Variants in FBLN2 observed in about 807,000 individuals in gnomAD.
FBLN2 encodes the protein fibulin-2.
A neutral mutation model predicts 123.7 loss-of-function variants in FBLN2; 81 were observed. The ratio of observed to expected loss-of-function variants is 0.65; its 90% CI spans 0.55 to 0.79. FBLN2 has a LOEUF of 0.79. Ranked by LOEUF, FBLN2 falls within the 30% of genes least tolerant of loss-of-function variation. FBLN2 has a pLI of 0.00. For missense variants in FBLN2, 1,603 were observed against 1,681.3 expected, an observed-to-expected ratio of 0.95 and a Z score of 0.81; for synonymous variants, 699 against 701.4, an observed-to-expected ratio of 1.00 and a Z score of 0.05.
At chr3:13,601,350 C>G (rs1268665573) in intron 2 of FBLN2, among the ~76,000 whole-genome samples, 8 of 152,204 alleles carry the variant, frequency 5.3e-5, no homozygotes, top group Non-Finnish European at 4.4e-5. Flanking sequence ...AGAGTTGCCT[C>G]CTGTCACCAG....
chr3:13,629,284 G>A lies in FBLN2; in HGVS notation c.2834G>A (p.Gly945Asp). ...AGFQRDAFGRGCIDVNECWAS... is the reference protein window; with the variant it reads ...AGFQRDAFGRDCIDVNECWAS... Reference sequence around the variant, plus strand: ...TTTCAGCGGGATGCCTTTGGCCGGGGCTGCATCGGTAGGTAGGCTGGTGGC... The same window carrying A: ...TTTCAGCGGGATGCCTTTGGCCGGGACTGCATCGGTAGGTAGGCTGGTGGC... The change falls in exon 13 of 18, where the codon GGC becomes GAC. Residue 945 changes from glycine (G) to aspartate (D), a missense_variant. Gly to Asp is a moderately conservative substitution (Grantham distance 94). Coordinates refer to ENST00000404922, the MANE Select transcript of FBLN2 (RefSeq NM_001004019.2). 6.2e-7 allele frequency: 1 copy of A among 1,608,494 alleles called. No homozygotes were observed. Among genetic ancestry groups the A allele is most frequent in the Non-Finnish European group, 8.5e-7 (1 of 1,178,258 alleles).
At chr3:13,549,447 G>A (rs1205998296) in intron 1 of FBLN2, among the ~76,000 whole-genome samples, 1 of 151,468 alleles carries the variant, frequency 6.6e-6, no homozygotes, top group African/African-American at 2.4e-5. Context: ...AGAGGCCGGC[G>A]CGGGGTGGGG....
At chr3:13,561,856 C>G (rs1011853194) in intron 1 of FBLN2, among the ~76,000 whole-genome samples, 1 of 152,206 alleles carries the variant, frequency 6.6e-6, no homozygotes, top group African/African-American at 2.4e-5. Flanking sequence ...CTCGGCCAGA[C>G]AGACCTGTTC....
At chr3:13,587,340 G>T (rs900447787) in intron 2 of FBLN2, among the ~76,000 whole-genome samples, 23 of 152,002 alleles carry the variant, frequency 1.5e-4, no homozygotes, top group African/African-American at 5.1e-4. Flanking sequence ...ATTTATTATT[G>T]AAGAAAGAAA....
At position 13,609,555 on chromosome 3, in the gene FBLN2, G is replaced by T; in HGVS notation, c.1461G>T (p.Lys487Asn). Residue 487 changes from lysine to asparagine, a missense_variant, in exon 4 of 18, where the codon AAG (lysine) becomes AAT (asparagine). Coordinates refer to ENST00000404922, the MANE Select transcript of FBLN2 (RefSeq NM_001004019.2). ...RHCCVSYLQE[K>N]SCMAGVLGAK... ...GCTGTGTCTCCTACTTGCAGGAGAA[G>T]AGCTGCATGGCCGGCGTCCTGGGAG... 1 of 1,553,574 alleles carries T rather than the reference G, an allele frequency of 6.4e-7. No individual in the cohort carries two copies. The highest frequency in any genetic ancestry group is 8.7e-7 in the Non-Finnish European group (1 of 1,148,234).
chr3:13,573,967 G>A (rs1264949897), intron 2 of FBLN2, among the ~76,000 whole-genome samples: 1 of 151,360 alleles, frequency 6.6e-6, no homozygotes, highest in African/African-American at 2.4e-5. Flanking sequence ...AGAGAAGCCT[G>A]CTTCCACCAC....
intron 9 of FBLN2, among the ~76,000 whole-genome samples, chr3:13,625,390 T>TAGGAG (rs1706002091): frequency 6.6e-6 from 1 of 152,172 alleles, no homozygotes; most frequent in Non-Finnish European, 1.5e-5. Flanking sequence ...GTCCTTGGCC[T>TAGGAG]CCTCTCCGTG....
intron 9 of FBLN2, among the ~76,000 whole-genome samples, chr3:13,623,779 G>A (rs75591428): frequency 5.3e-5 from 8 of 152,156 alleles, no homozygotes; most frequent in Admixed American, 4.6e-4. Context: ...TTCCTCATCT[G>A]TGAATGAGAT....
At chr3:13,637,443 C>T (rs2124917089) in intron 17 of FBLN2, 119 bp from the exon 18 acceptor site, 1 of 922,100 alleles carries the variant, frequency 1.1e-6, no homozygotes, top group Non-Finnish European at 1.6e-6. Flanking sequence ...CTGAGGCTTC[C>T]CGGCCATTAG....
At chr3:13,576,477 T>C (rs1171220392) in intron 2 of FBLN2, among the ~76,000 whole-genome samples, 1 of 152,080 alleles carries the variant, frequency 6.6e-6, no homozygotes, top group Non-Finnish European at 1.5e-5. Context: ...GGCATCCAAC[T>C]GTGGGGACAG....
At chr3:13,549,709 C>G (rs1247000853) in intron 1 of FBLN2, among the ~76,000 whole-genome samples, 2 of 151,928 alleles carry the variant, frequency 1.3e-5, no homozygotes, top group Non-Finnish European at 2.9e-5. Flanking sequence ...CACCGCCACA[C>G]ACGCACTCAC....
intron 2 of FBLN2, 29 bp downstream of exon 2, chr3:13,571,690 C>T (rs1368430018): frequency 1.3e-6 from 2 of 1,512,260 alleles, no homozygotes; most frequent in African/African-American, 2.8e-5. Context: ...TCCTTCAGGG[C>T]ACTTTGTGTG....
Position 13,629,239 on chromosome 3 carries a change from G to T in FBLN2, c.2789G>T (p.Arg930Leu). The T allele has an allele frequency of 6.2e-7, 1 of 1,613,078 alleles. No individual in the cohort carries two copies. The highest frequency in any genetic ancestry group is 8.5e-7 in the Non-Finnish European group (1 of 1,179,670). Residue 930 changes from arginine (R) to leucine (L), a missense_variant, in exon 13 of 18, where the codon CGC becomes CTC. Arg to Leu is a moderately radical substitution (Grantham distance 102). Coordinates refer to ENST00000404922, the MANE Select transcript of FBLN2 (RefSeq NM_001004019.2). ...TGCCACAACCTCCCTGGCTCCTACC[G>T]CTGTGACTGCAAAGCCGGCTTTCAG... The part of the protein sequence containing the change: ...QVCHNLPGSY[R>L]CDCKAGFQRD...
intron 5 of FBLN2, among the ~76,000 whole-genome samples, chr3:13,616,143 A>G (rs373461397): frequency 3.9e-5 from 6 of 152,204 alleles, no homozygotes; most frequent in Admixed American, 1.3e-4. Flanking sequence ...TGCCAATCCA[A>G]TGTGGGTACA....
At chr3:13,574,691 T>C (rs1290798966) in intron 2 of FBLN2, among the ~76,000 whole-genome samples, 4 of 152,096 alleles carry the variant, frequency 2.6e-5, no homozygotes, top group Non-Finnish European at 5.9e-5. Flanking sequence ...TACCTCCCTT[T>C]CTGCAGGGCC....
In FBLN2 at chr3:13,571,603, C is replaced by T. The variant is rs745849622; in HGVS notation, c.1248C>T (p.His416=). The stretch of plus-strand genomic sequence containing the variant: ...AGCCGCAAGTTCTGCCCCATTCCCA[C>T]GTGGAGGAGGACACAGACCCCAACT... ...PRKPQVLPHS[H]VEEDTDPNSV... Residue 416 remains histidine, a synonymous_variant, in exon 2 of 18, where the codon CAC becomes CAT. Coordinates refer to ENST00000404922, the MANE Select transcript of FBLN2 (RefSeq NM_001004019.2). 56 of 1,612,390 alleles carry T rather than the reference C, an allele frequency of 3.5e-5. No individual in the cohort carries two copies. The highest frequency in any genetic ancestry group is 1.7e-4 in the South Asian group (15 of 90,690).
Position 13,621,838 on chromosome 3 carries a change from TG to T in FBLN2, c.2222del (p.Gly741AspfsTer31). Reference sequence around the variant, plus strand: ...CGGCGACAGTTCTGTGTGAACACCCTGGGATCCTTCTACTGTGTCAACCACA... The same window carrying T: ...CGGCGACAGTTCTGTGTGAACACCCTGGATCCTTCTACTGTGTCAACCACA... The part of the protein sequence containing the change: ...CSRRQFCVNT[L>X]GSFYCVNHTV... On this transcript the variant is annotated frameshift_variant, in exon 9 of 18. Transcript: ENST00000404922. LOFTEE classifies it high-confidence loss of function. 1 of 1,614,016 alleles carries T rather than the reference TG, an allele frequency of 6.2e-7. No homozygotes were observed. The highest frequency in any genetic ancestry group is 8.5e-7 in the Non-Finnish European group (1 of 1,179,884).
intron 16 of FBLN2, among the ~76,000 whole-genome samples, chr3:13,634,801 G>T (rs566979335): frequency 6.6e-6 from 1 of 152,306 alleles, no homozygotes; most frequent in East Asian, 1.9e-4. Context: ...GCGGTCCGGG[G>T]GTATTGAGTC....
chr3:13,632,072 A>G (rs1210269363), intron 16 of FBLN2, among the ~76,000 whole-genome samples: 1 of 152,176 alleles, frequency 6.6e-6, no homozygotes, highest in Non-Finnish European at 1.5e-5. Flanking sequence ...GTGTCCCTGG[A>G]TAGAGACCGT....
Sources: gnomAD v4.1 joint callset for allele counts (sites outside exome capture counted in the v4.1 genomes callset) on GRCh38, gnomAD v4.1.1 for gene constraint, MANE v1.5 for transcripts, NCBI Gene and HGNC (gene_info 2026-07-23, HGNC 2026-07-21) for gene names.